Variants in SLC6A11 observed in about 807,000 individuals in gnomAD.
The protein encoded by SLC6A11 is sodium- and chloride-dependent GABA transporter 3.
Under a neutral mutation model 74.8 loss-of-function variants are expected in SLC6A11, and 25 were observed. The observed-to-expected ratio is 0.33, with a 90% CI of 0.24 to 0.47. The LOEUF (loss-of-function observed/expected upper bound fraction) is 0.47. SLC6A11 is among the 20% of genes least tolerant of loss of function. The pLI, the probability that SLC6A11 is intolerant of heterozygous loss-of-function variation, is 1.00. For missense variants in SLC6A11, 574 were observed against 837.0 expected (o/e 0.69, Z 3.88); for synonymous variants, 330 against 330.2 (o/e 1.00, Z 0.01).
intron 5 of SLC6A11, among the ~76,000 whole-genome samples, chr3:10,869,365 T>C (rs2106600141): frequency 6.6e-6 from 1 of 152,290 alleles, no homozygotes; most frequent in African/African-American, 2.4e-5. Flanking sequence ...GAGACAGACA[T>C]TTTAAATGGA....
chr3:10,877,318 G>T (rs537013475), intron 6 of SLC6A11, among the ~76,000 whole-genome samples: 2 of 152,308 alleles, frequency 1.3e-5, no homozygotes, highest in East Asian at 3.9e-4. Flanking sequence ...CATGGATGTG[G>T]TTTGTTTCCA....
At chr3:10,920,057 T>C (rs1695515153) in intron 8 of SLC6A11, among the ~76,000 whole-genome samples, 1 of 152,178 alleles carries the variant, frequency 6.6e-6, no homozygotes, top group Admixed American at 6.5e-5. Context: ...TTCTCAGTAG[T>C]AGCATTGCTT....
chr3:10,938,202 C>T, intron 13 of SLC6A11, 48 bp from the exon 14 acceptor site: 3 of 1,536,162 alleles, frequency 2.0e-6, no homozygotes, highest in South Asian at 2.5e-5. Flanking sequence ...AGACCCTGGA[C>T]CCTGGCAGCT....
chr3:10,894,777 G>T (rs1446637584), intron 6 of SLC6A11, among the ~76,000 whole-genome samples: 3 of 152,106 alleles, frequency 2.0e-5, no homozygotes, highest in Non-Finnish European at 4.4e-5. Flanking sequence ...CTTGAAAATC[G>T]CTAAGAGAAT....
chr3:10,832,303 A>G (rs1469891224), intron 4 of SLC6A11, among the ~76,000 whole-genome samples: 6 of 151,984 alleles, frequency 3.9e-5, no homozygotes, highest in Non-Finnish European at 7.4e-5. Context: ...CCCACCAGGG[A>G]GGCACTGGGG....
intron 8 of SLC6A11, among the ~76,000 whole-genome samples, chr3:10,919,743 C>T (rs1291389975): frequency 1.3e-5 from 2 of 152,228 alleles, no homozygotes; most frequent in African/African-American, 4.8e-5. Context: ...GGCACCTATT[C>T]ACTGGACAGG....
intron 5 of SLC6A11, among the ~76,000 whole-genome samples, chr3:10,866,019 A>T (rs1694759062): frequency 6.6e-6 from 1 of 152,178 alleles, no homozygotes; most frequent in East Asian, 1.9e-4. Flanking sequence ...TATAATGGAG[A>T]CCTCAGAGAA....
intron 5 of SLC6A11, 42 bp downstream of exon 5, chr3:10,844,388 G>T (rs764984974): frequency 1.9e-6 from 3 of 1,613,352 alleles, no homozygotes; most frequent in Non-Finnish European, 8.5e-7. Context: ...GGCAGGGGAA[G>T]GCACGAGCTC....
chr3:10,835,774 G>A (rs183424763), intron 4 of SLC6A11, among the ~76,000 whole-genome samples: 2 of 152,288 alleles, frequency 1.3e-5, no homozygotes, highest in East Asian at 3.9e-4. Flanking sequence ...CGCCTGACAC[G>A]TCTTCCCAAG....
chr3:10,920,682 C>G (rs1695525825), intron 8 of SLC6A11, among the ~76,000 whole-genome samples: 1 of 152,208 alleles, frequency 6.6e-6, no homozygotes, highest in Non-Finnish European at 1.5e-5. Context: ...CTCCAGCAGG[C>G]ACTATTCACA....
chr3:10,890,300 G>C (rs545113966), intron 6 of SLC6A11, among the ~76,000 whole-genome samples: 2 of 152,350 alleles, frequency 1.3e-5, no homozygotes, highest in East Asian at 3.9e-4. Flanking sequence ...GACAGCCCTT[G>C]TGGGTTTCGT....
rs758525371 is a variant in SLC6A11, at chr3:10,929,324, C to G, written c.1356C>G (p.Leu452=). Residue 452 remains leucine (L), a synonymous_variant, in exon 10 of 14, where the codon CTC becomes CTG. Coordinates refer to ENST00000254488, the MANE Select transcript of SLC6A11 (RefSeq NM_014229.3). ...CTGTTATCTCCTATTTTCTGGGCCTCGTGATGTTAACAGAGGTGAGTGGCA... is the reference window on the plus strand; with the variant it reads ...CTGTTATCTCCTATTTTCTGGGCCTGGTGATGTTAACAGAGGTGAGTGGCA... ...ALSVISYFLG[L]VMLTEGGMYI... 9.9e-6 allele frequency: 16 copies of G among 1,613,904 alleles called. No individual in the cohort carries two copies. The highest frequency in any genetic ancestry group is 1.7e-6 in the Non-Finnish European group (2 of 1,179,992).
intron 5 of SLC6A11, among the ~76,000 whole-genome samples, chr3:10,847,683 T>TG (rs1204242703): frequency 6.6e-6 from 1 of 152,096 alleles, no homozygotes; most frequent in Non-Finnish European, 1.5e-5. Context: ...TGAGGTTCTG[T>TG]GGGGGCACAT....
chr3:10,864,835 T>C (rs1694745013), intron 5 of SLC6A11, among the ~76,000 whole-genome samples: 2 of 152,192 alleles, frequency 1.3e-5, no homozygotes, highest in South Asian at 4.1e-4. Context: ...CTGTGTGTGC[T>C]TCTTCTCTGT....
chr3:10,924,728 A>G (rs1304753325), intron 8 of SLC6A11, among the ~76,000 whole-genome samples: 27 of 152,240 alleles, frequency 1.8e-4, no homozygotes, highest in Admixed American at 1.4e-3. Context: ...TAGACAATAA[A>G]CATGTGAAGA....
At chr3:10,818,960 T>A (rs1694100236) in intron 1 of SLC6A11, among the ~76,000 whole-genome samples, 1 of 152,184 alleles carries the variant, frequency 6.6e-6, no homozygotes, top group African/African-American at 2.4e-5. Flanking sequence ...CTTTGAGGCT[T>A]AATATTGTTC....
intron 5 of SLC6A11, among the ~76,000 whole-genome samples, chr3:10,872,009 T>C (rs995252179): frequency 6.6e-6 from 1 of 152,184 alleles, no homozygotes; most frequent in Non-Finnish European, 1.5e-5. Flanking sequence ...GAGGACTGGG[T>C]TTAAAATCTC....
chr3:10,929,612 C>T (rs1695657620), intron 10 of SLC6A11, among the ~76,000 whole-genome samples: 1 of 152,198 alleles, frequency 6.6e-6, no homozygotes. Context: ...GTTGATCTGT[C>T]ATGGTGAGCA....
At chr3:10,884,263 C>T (rs564933116) in intron 6 of SLC6A11, among the ~76,000 whole-genome samples, 1 of 152,326 alleles carries the variant, frequency 6.6e-6, no homozygotes, top group South Asian at 2.1e-4. Context: ...ACTCATAAAA[C>T]TACTGATGCT....
Sources: gnomAD v4.1 joint callset for allele counts (sites outside exome capture counted in the v4.1 genomes callset) on GRCh38, gnomAD v4.1.1 for gene constraint, MANE v1.5 for transcripts, NCBI Gene and HGNC (gene_info 2026-07-23, HGNC 2026-07-21) for gene names.